AK4: variants seen among roughly 807,000 people sequenced by gnomAD.
AK4 encodes the protein adenylate kinase 4, also known as adenylate kinase 4, mitochondrial.
A neutral mutation model predicts 24.6 loss-of-function variants in AK4; 13 were observed. That is an observed-to-expected ratio of 0.53 (90% CI 0.34 to 0.84). The LOEUF (loss-of-function observed/expected upper bound fraction) is 0.84. Ranked by LOEUF, AK4 falls within the 40% of genes least tolerant of loss-of-function variation. AK4 has a pLI of 0.01. For missense variants in AK4, 192 were observed against 288.2 expected (o/e 0.67, Z 2.42); for synonymous variants, 88 against 107.0 (o/e 0.82, Z 1.10).
chr1:65,214,501 T>C (rs1233725870), intron 2 of AK4, among the ~76,000 whole-genome samples: 1 of 152,130 alleles, frequency 6.6e-6, no homozygotes. Flanking sequence ...TTCTCACAGT[T>C]ACGGCTAGGT....
chr1:65,185,646 T>C (rs1366073146), intron 1 of AK4, among the ~76,000 whole-genome samples: 1 of 144,002 alleles, frequency 6.9e-6, no homozygotes, highest in Non-Finnish European at 1.5e-5. Flanking sequence ...TTTTTTGAGA[T>C]GGAGTCTTGC....
At position 65,189,569 on chromosome 1, in the gene AK4, C is replaced by T. The variant is rs900961705; in HGVS notation, c.146-1141C>T. 5.3e-5 allele frequency among the ~76,000 whole-genome samples: 8 copies of T among 152,076 alleles called. 1 individual carries two copies. In the South Asian group the frequency reaches 1.2e-3, roughly 24 times the overall value. ...TTGGGATTACAGGCATGAGCCACTG[C>T]GCCCAGCTGAGAATGTGATTCTTAG... On this transcript the variant is annotated intron_variant, in intron 1 of 4. Transcript: ENST00000327299.
At chr1:65,222,169 A>G (rs1030057067) in intron 3 of AK4, among the ~76,000 whole-genome samples, 11 of 152,148 alleles carry the variant, frequency 7.2e-5, no homozygotes, top group Non-Finnish European at 1.2e-4. Context: ...AGTGCTGGAG[A>G]AAGGCTGGTG....
chr1:65,226,327 G>A lies in AK4; in HGVS notation c.*150G>A, dbSNP rs1652461335. 1.3e-5 allele frequency: 11 copies of A among 868,976 alleles called. No individual in the cohort carries two copies. The South Asian group carries it at 2.0e-4, about 15-fold the overall frequency. The allele number at this position is 868,976 out of a possible 1,614,324, so 53.8% of individuals were successfully genotyped here. On this transcript the variant is annotated 3_prime_UTR_variant, in exon 5 of 5. Transcript: ENST00000327299. ...GAACTGATAGGAAAACAAATGAGTAGAAAGAGTTCATGAAGAGGCCCTCCT... is the reference window on the plus strand; with the variant it reads ...GAACTGATAGGAAAACAAATGAGTAAAAAGAGTTCATGAAGAGGCCCTCCT...
In AK4 at chr1:65,214,672, A is replaced by C. The variant is rs945575598; in HGVS notation, c.266-4082A>C. Among the ~76,000 whole-genome samples, 14 of 152,298 alleles carry C rather than the reference A, an allele frequency of 9.2e-5. No individual in the cohort carries two copies. In the South Asian group the frequency reaches 1.2e-3, roughly 14 times the overall value. ...GGCTATTTCTCCTCACTTTTGAAAT[A>C]GTGAGTGGCACCCAGATCTTTGACT... On this transcript the variant is annotated intron_variant, in intron 2 of 4. Coordinates refer to ENST00000327299, the MANE Select transcript of AK4 (RefSeq NM_013410.4).
intron 3 of AK4, among the ~76,000 whole-genome samples, chr1:65,220,869 G>T (rs1159813531): frequency 6.6e-6 from 1 of 152,184 alleles, no homozygotes; most frequent in East Asian, 1.9e-4. Context: ...CTGTTTGTGT[G>T]TGTGAGTGTG....
At chr1:65,190,359 C>G (rs1651260692) in intron 1 of AK4, among the ~76,000 whole-genome samples, 1 of 144,474 alleles carries the variant, frequency 6.9e-6, no homozygotes, top group Admixed American at 7.4e-5. Context: ...AACTCCTGGG[C>G]TTAAGTGATC....
chr1:65,221,848 G>C (rs984914261), intron 3 of AK4, among the ~76,000 whole-genome samples: 1 of 152,236 alleles, frequency 6.6e-6, no homozygotes, highest in Non-Finnish European at 1.5e-5. Flanking sequence ...CATAGTGAAA[G>C]TGCTAACCTA....
rs1651821372 is a variant in AK4, at chr1:65,206,635, T to C, written c.266-12119T>C. On this transcript the variant is annotated intron_variant, in intron 2 of 4. Transcript: ENST00000327299. Reference sequence around the variant, plus strand: ...CACACACAAAACCAATGTCCAGGTGTGGCGATGTTTGCTTGTAGTCCAGCT... The same window carrying C: ...CACACACAAAACCAATGTCCAGGTGCGGCGATGTTTGCTTGTAGTCCAGCT... Among the ~76,000 whole-genome samples, 9 of 152,328 alleles carry C rather than the reference T, an allele frequency of 5.9e-5. No homozygotes were observed. The South Asian group carries it at 1.9e-3, about 32-fold the overall frequency.
chr1:65,178,090 T>G (rs1650777859), intron 1 of AK4, among the ~76,000 whole-genome samples: 1 of 152,072 alleles, frequency 6.6e-6, no homozygotes, highest in Admixed American at 6.6e-5. Flanking sequence ...GTTCATCTAA[T>G]AATTTGTAGG....
chr1:65,153,751 C>G (rs563087996), intron 1 of AK4, among the ~76,000 whole-genome samples: 1 of 152,212 alleles, frequency 6.6e-6, no homozygotes, highest in East Asian at 1.9e-4. Flanking sequence ...GGGAAGGCCT[C>G]TCCAGGAGGT....
chr1:65,223,623 G>A (rs900708940), intron 3 of AK4, among the ~76,000 whole-genome samples: 6 of 152,064 alleles, frequency 3.9e-5, no homozygotes, highest in Non-Finnish European at 8.8e-5. Flanking sequence ...TCCTTCATGA[G>A]ATTTTGGGGG....
chr1:65,151,057 G>T (rs1449527827), intron 1 of AK4, among the ~76,000 whole-genome samples: 1 of 152,066 alleles, frequency 6.6e-6, no homozygotes, highest in African/African-American at 2.4e-5. Context: ...GGGTTCAAGC[G>T]ATTCTCTTGC....
Position 65,207,803 on chromosome 1 carries a change from T to G in AK4, c.266-10951T>G, listed in dbSNP as rs147628316. Among the ~76,000 whole-genome samples the G allele has an allele frequency of 5.5e-3, 843 of 152,296 alleles. 4 individuals are homozygous for G. The highest frequency in any genetic ancestry group is 6.9e-3 in the Non-Finnish European group (468 of 68,024). ...AGTGAGAACACATGGTATTTGGTTT[T>G]CTGGTCTTGAGTTAGTTCTCTTAGG... On this transcript the variant is annotated intron_variant, in intron 2 of 4. Coordinates refer to ENST00000327299, the MANE Select transcript of AK4 (RefSeq NM_013410.4).
chr1:65,212,625 A>G (rs1208434658), intron 2 of AK4, among the ~76,000 whole-genome samples: 1 of 152,128 alleles, frequency 6.6e-6, no homozygotes, highest in Non-Finnish European at 1.5e-5. Flanking sequence ...AGTAGCTGGG[A>G]CTACAGACGG....
intron 2 of AK4, among the ~76,000 whole-genome samples, chr1:65,207,261 C>T (rs1236223010): frequency 6.6e-6 from 1 of 152,108 alleles, no homozygotes; most frequent in Non-Finnish European, 1.5e-5. Context: ...CTGTCACCCA[C>T]GCTGGAGTGC....
chr1:65,210,408 AT>A (rs1298362289), intron 2 of AK4, among the ~76,000 whole-genome samples: 2 of 152,012 alleles, frequency 1.3e-5, no homozygotes, highest in African/African-American at 4.8e-5. Context: ...CGGTTTCTTT[AT>A]TATTGATTCC....
chr1:65,221,604 A>G (rs552179970), intron 3 of AK4, among the ~76,000 whole-genome samples: 2 of 152,320 alleles, frequency 1.3e-5, no homozygotes, highest in East Asian at 3.9e-4. Context: ...TCCCTTCCTG[A>G]TATCTGTCTC....
intron 2 of AK4, among the ~76,000 whole-genome samples, chr1:65,209,349 T>C (rs573391420): frequency 5.9e-5 from 9 of 152,372 alleles, no homozygotes; most frequent in African/African-American, 1.9e-4. Context: ...GAACCTAGAA[T>C]AACGCTAGTC....
Sources: allele counts gnomAD v4.1 joint callset (sites outside exome capture counted in the v4.1 genomes callset), GRCh38; gene constraint gnomAD v4.1.1; transcripts MANE v1.5; gene names NCBI Gene and HGNC (gene_info 2026-07-23, HGNC 2026-07-21).